MCMDC2: variants seen among roughly 807,000 people sequenced by gnomAD.
The protein encoded by MCMDC2 is minichromosome maintenance domain containing 2, also known as minichromosome maintenance domain-containing protein 2.
In MCMDC2, 54 loss-of-function variants were observed where a neutral mutation model predicts 75.8. The observed-to-expected ratio is 0.71, with a 90% CI of 0.57 to 0.89. The LOEUF is 0.89. Ranked by LOEUF, MCMDC2 falls within the 40% of genes least tolerant of loss-of-function variation. MCMDC2 has a pLI of 0.00. For missense variants in MCMDC2, 656 were observed against 780.4 expected (o/e 0.84, Z 1.90); for synonymous variants, 249 against 274.6 (o/e 0.91, Z 0.92).
chr8:66,897,039 A>C, intron 12 of MCMDC2, 80 bp downstream of exon 12: 2 of 1,271,028 alleles, frequency 1.6e-6, no homozygotes, highest in African/African-American at 3.1e-5. Context: ...TGAGTGCTGG[A>C]TTTTCTTTAT....
At chr8:66,897,495 T>C (rs1294161487) in intron 12 of MCMDC2, among the ~76,000 whole-genome samples, 2 of 152,170 alleles carry the variant, frequency 1.3e-5, no homozygotes, top group Admixed American at 1.3e-4. Context: ...TGTTAGGTAA[T>C]GAATATTAAA....
At chr8:66,875,315 T>G (rs934624951) in intron 4 of MCMDC2, among the ~76,000 whole-genome samples, 2 of 152,122 alleles carry the variant, frequency 1.3e-5, no homozygotes, top group African/African-American at 4.8e-5. Context: ...GCTTTGCTCT[T>G]GTTGCCCAGG....
intron 10 of MCMDC2, 132 bp downstream of exon 10, chr8:66,891,202 T>A: frequency 1.2e-6 from 1 of 850,730 alleles, no homozygotes. Context: ...GCATTTCTTA[T>A]TTTGGTTTTA....
chr8:66,890,940 A>T lies in MCMDC2; in HGVS notation c.1149A>T (p.Leu383=). The T allele has an allele frequency of 6.2e-7, 1 of 1,613,684 alleles. No individual in the cohort carries two copies. The highest frequency in any genetic ancestry group is 8.5e-7 in the Non-Finnish European group (1 of 1,179,920). Residue 383 remains leucine (L), a synonymous_variant, in exon 10 of 15, where the codon CTA becomes CTT. Coordinates refer to ENST00000422365, the MANE Select transcript of MCMDC2 (RefSeq NM_173518.5). The part of the protein sequence containing the change: ...HLVSTEIFPT[L]SRNKYGTGAV... ...TCTCTACTGAAATTTTTCCCACTCT[A>T]TCCAGGAATAAGTATGGAACTGGAG...
chr8:66,919,808 A>G lies in MCMDC2; in HGVS notation c.*639A>G, dbSNP rs769785029. Reference sequence around the variant, plus strand: ...TACTTTACACGGAAACAAGGAGCCAATAACTTATAAATTGGCTCTCTAACC... The same window carrying G: ...TACTTTACACGGAAACAAGGAGCCAGTAACTTATAAATTGGCTCTCTAACC... On this transcript the variant is annotated 3_prime_UTR_variant, in exon 15 of 15. Coordinates refer to ENST00000422365, the MANE Select transcript of MCMDC2 (RefSeq NM_173518.5). The G allele has an allele frequency of 3.3e-5, 5 of 152,240 alleles. No homozygotes were observed. The highest frequency in any genetic ancestry group is 7.2e-5 in the African/African-American group (3 of 41,458). 9.4% of individuals were successfully genotyped at this position (152,240 alleles called of 1,614,324 possible). A position where few individuals can be genotyped will look rare whatever the true frequency, so the allele number is the denominator to read the frequency against.
intron 14 of MCMDC2, among the ~76,000 whole-genome samples, chr8:66,913,853 A>G (rs529709566): frequency 2.0e-5 from 3 of 151,422 alleles, no homozygotes; most frequent in African/African-American, 7.3e-5. Context: ...AGTCCCAACT[A>G]CTTGGGAGGC....
intron 4 of MCMDC2, among the ~76,000 whole-genome samples, chr8:66,876,616 T>C (rs1035680043): frequency 6.6e-6 from 1 of 152,196 alleles, no homozygotes; most frequent in African/African-American, 2.4e-5. Context: ...AAATCAGCCA[T>C]TTCCCCCAAG....
intron 4 of MCMDC2, among the ~76,000 whole-genome samples, chr8:66,876,263 A>C (rs1811277717): frequency 6.6e-6 from 1 of 152,208 alleles, no homozygotes; most frequent in African/African-American, 2.4e-5. Flanking sequence ...ATTTTCTCTC[A>C]TCAGCTATTT....
chr8:66,880,284 T>G (rs1435320958), intron 7 of MCMDC2, among the ~76,000 whole-genome samples: 1 of 152,160 alleles, frequency 6.6e-6, no homozygotes, highest in African/African-American at 2.4e-5. Context: ...ATCCCAACAC[T>G]TTAGGAGGCT....
At chr8:66,914,283 CAAAAAAA>C (rs67943900) in intron 14 of MCMDC2, among the ~76,000 whole-genome samples, 1 of 85,746 alleles carries the variant, frequency 1.2e-5, no homozygotes, top group Non-Finnish European at 2.4e-5. Context: ...ACCCTGTATC[CAAAAAAA>C]AAAAAAAAAA....
Position 66,880,885 on chromosome 8 carries a change from A to G in MCMDC2, c.746A>G (p.Tyr249Cys). Reference sequence around the variant, plus strand: ...AATAAAATGAATATAGGAAATGAATATAAAATTATTGGAATTCCAACCTGT... The same window carrying G: ...AATAAAATGAATATAGGAAATGAATGTAAAATTATTGGAATTCCAACCTGT... The part of the protein sequence containing the change: ...SVNKMNIGNE[Y>C]KIIGIPTCVK... The change falls in exon 8 of 15, where the codon TAT becomes TGT. Residue 249 changes from tyrosine to cysteine, a missense_variant. Tyr to Cys is a radical substitution (Grantham distance 194). Coordinates refer to ENST00000422365, the MANE Select transcript of MCMDC2 (RefSeq NM_173518.5). 6.4e-7 allele frequency: 1 copy of G among 1,564,800 alleles called. No homozygotes were observed. The highest frequency in any genetic ancestry group is 8.7e-7 in the Non-Finnish European group (1 of 1,155,544).
chr8:66,873,378 G>A lies in MCMDC2; in HGVS notation c.-88-675G>A, dbSNP rs756300342. 2.3e-4 allele frequency among the ~76,000 whole-genome samples: 35 copies of A among 152,186 alleles called. 1 individual carries two copies. The highest frequency in any genetic ancestry group is 3.8e-4 in the Non-Finnish European group (26 of 68,038). ...TAGAACCAAGTTCTCAGGTTTCCCA[G>A]TTTAATACTAATTCTACTATATTTT... On this transcript the variant is annotated intron_variant, in intron 1 of 14. Transcript: ENST00000422365.
chr8:66,891,686 C>G (rs1401951586), intron 10 of MCMDC2, among the ~76,000 whole-genome samples: 2 of 152,194 alleles, frequency 1.3e-5, no homozygotes, highest in East Asian at 3.9e-4. Flanking sequence ...GCTCACTCAG[C>G]CTGGCAGGCT....
intron 14 of MCMDC2, among the ~76,000 whole-genome samples, chr8:66,905,773 G>A (rs1017591920): frequency 2.0e-5 from 3 of 152,102 alleles, no homozygotes; most frequent in Non-Finnish European, 4.4e-5. Context: ...TTGGGAGGCC[G>A]AGACAGATGG....
chr8:66,904,385 G>A (rs1812826124), intron 13 of MCMDC2, among the ~76,000 whole-genome samples: 1 of 152,176 alleles, frequency 6.6e-6, no homozygotes, highest in Non-Finnish European at 1.5e-5. Flanking sequence ...TCAGAAGACA[G>A]AACAAGAGAC....
At chr8:66,901,448 T>C in intron 13 of MCMDC2, 100 bp downstream of exon 13, 1 of 1,491,094 alleles carries the variant, frequency 6.7e-7, no homozygotes, top group African/African-American at 1.4e-5. Context: ...CTCTGCTTGA[T>C]TGCTAGTTGG....
At chr8:66,877,690 C>T in intron 5 of MCMDC2, 146 bp downstream of exon 5, 1 of 555,230 alleles carries the variant, frequency 1.8e-6, no homozygotes, top group South Asian at 2.4e-5. Context: ...CATGGAGAAA[C>T]CTCGTCTCTA....
intron 5 of MCMDC2, among the ~76,000 whole-genome samples, chr8:66,878,117 G>A (rs1198710568): frequency 5.9e-5 from 9 of 151,928 alleles, no homozygotes; most frequent in South Asian, 4.1e-4. Context: ...TGAGTGAAAC[G>A]TTTAATGTCC....
In MCMDC2 at chr8:66,901,255, A is replaced by G. The variant is rs1435061343; in HGVS notation, c.1676A>G (p.Glu559Gly). The G allele has an allele frequency of 1.9e-6, 3 of 1,614,134 alleles. No homozygotes were observed. The Admixed American group carries it at 5.0e-5, about 27-fold the overall frequency. Reference sequence around the variant, plus strand: ...AATGTAGAATTCAGCTTGGAAGCAGAAAGAATGACCCATGGCTATTATCTA... The same window carrying G: ...AATGTAGAATTCAGCTTGGAAGCAGGAAGAATGACCCATGGCTATTATCTA... ...NLNVEFSLEA[E>G]RMTHGYYLAS... Residue 559 changes from glutamate to glycine, a missense_variant, in exon 13 of 15, where the codon GAA (glutamate) becomes GGA (glycine). By Grantham distance (98) the Glu-to-Gly change is moderately conservative (BLOSUM62 -2). Transcript: ENST00000422365.
Sources: gnomAD v4.1 joint callset for allele counts (sites outside exome capture counted in the v4.1 genomes callset) on GRCh38, gnomAD v4.1.1 for gene constraint, MANE v1.5 for transcripts, NCBI Gene and HGNC (gene_info 2026-07-23, HGNC 2026-07-21) for gene names.